Variants in JAKMIP1 observed in about 807,000 individuals in gnomAD.
JAKMIP1 encodes the protein janus kinase and microtubule interacting protein 1.
JAKMIP1 carries 33 observed loss-of-function variants against 113.0 expected under a neutral mutation model. The observed-to-expected ratio is 0.29, with a 90% CI of 0.22 to 0.39. The LOEUF (loss-of-function observed/expected upper bound fraction) is 0.39. Among genes scored for constraint, JAKMIP1 ranks in the 10% least tolerant of loss-of-function variants. The probability of loss-of-function intolerance (pLI) is 1.00; values close to 1 mark genes in which losing one functional copy is unlikely to be tolerated. For missense variants in JAKMIP1, 813 were observed against 1,080.5 expected (o/e 0.75, Z 3.47); for synonymous variants, 480 against 459.9 (o/e 1.04, Z -0.56).
At chr4:6,105,353 G>C in intron 3 of JAKMIP1, 120 bp downstream of exon 3, 1 of 1,061,984 alleles carries the variant, frequency 9.4e-7, no homozygotes, top group South Asian at 1.7e-5. Flanking sequence ...GAGGTTGCTG[G>C]GGCCCCAGTG....
rs1276109684 is a variant in JAKMIP1, at chr4:6,194,606, C to T, written c.-148+5647G>A. ...GAGGGACCCGGGTCAGTCCAGGCTCCTGACTCAAAATGCAGCCAAGGGAGA... is the reference window on the plus strand; with the variant it reads ...GAGGGACCCGGGTCAGTCCAGGCTCTTGACTCAAAATGCAGCCAAGGGAGA... On this transcript the variant is annotated intron_variant, in intron 1 of 20. Coordinates refer to ENST00000409021, the MANE Select transcript of JAKMIP1 (RefSeq NM_001099433.2). The surrounding 1 kb of genome is among the most constrained non-coding windows in gnomAD (Gnocchi z 7.4). 1 of 152,344 alleles carries T rather than the reference C, an allele frequency of 6.6e-6. No individual in the cohort carries two copies. Among genetic ancestry groups the T allele is most frequent in the Non-Finnish European group, 1.5e-5 (1 of 68,176 alleles). The allele number at this position is 152,344 out of a possible 1,614,324, so 9.4% of individuals were successfully genotyped here.
rs115010890 is a variant in JAKMIP1, at chr4:6,047,124, G to A, written c.2028+1733C>T. Among the ~76,000 whole-genome samples, 287 of 152,336 alleles carry A rather than the reference G, an allele frequency of 1.9e-3. 1 individual carries two copies. Among genetic ancestry groups the A allele is most frequent in the African/African-American group, 6.5e-3 (271 of 41,570 alleles). On this transcript the variant is annotated intron_variant, in intron 16 of 20. Coordinates refer to ENST00000409021, the MANE Select transcript of JAKMIP1 (RefSeq NM_001099433.2). Reference sequence around the variant, plus strand: ...AGCCACCAGGATGCTCAGTGTCATGGCTGAGAGAGATGTGGTGAGAAACCG... The same window carrying A: ...AGCCACCAGGATGCTCAGTGTCATGACTGAGAGAGATGTGGTGAGAAACCG...
rs902075663 is a variant in JAKMIP1 at position 6,076,053 on chromosome 4, G to A, written c.1302+2886C>T. Among the ~76,000 whole-genome samples the A allele has an allele frequency of 2.0e-5, 3 of 152,212 alleles. No individual in the cohort carries two copies. Among genetic ancestry groups the A allele is most frequent in the Non-Finnish European group, 2.9e-5 (2 of 68,052 alleles). On this transcript the variant is annotated intron_variant, in intron 8 of 20. Transcript: ENST00000409021. The surrounding 1 kb of genome is among the most constrained non-coding windows in gnomAD (Gnocchi z 4.8). The stretch of plus-strand genomic sequence containing the variant: ...TAGCCAGGCGTGGTGGCACATGCCT[G>A]TAATCTCGGCTACTTGGGAGGCTGA...
chr4:6,059,273 C>T lies in JAKMIP1; in HGVS notation c.1644+1151G>A, dbSNP rs1716921915. ...CTGTGCCAGGCATGCATGCTGGTCG[C>T]TGGCCGTCCGCCTCCATGGGAACCT... On this transcript the variant is annotated intron_variant, in intron 11 of 20. Transcript: ENST00000409021. This position sits in a 1 kb window ranked among gnomAD's most constrained non-coding sequence, Gnocchi z 4.8. Among the ~76,000 whole-genome samples the T allele has an allele frequency of 6.6e-6, 1 of 152,202 alleles. No individual in the cohort carries two copies. Among genetic ancestry groups the T allele is most frequent in the Admixed American group, 6.5e-5 (1 of 15,290 alleles).
intron 20 of JAKMIP1, 86 bp from the exon 21 acceptor site, chr4:6,026,364 G>A: frequency 1.4e-6 from 1 of 720,500 alleles, no homozygotes; most frequent in Non-Finnish European, 2.4e-6. Context: ...GGAACTCAAT[G>A]ACAGCATTTT....
rs945314247 is a variant in JAKMIP1, at chr4:6,168,932, G to C, written c.-148+31321C>G. 6.6e-6 allele frequency among the ~76,000 whole-genome samples: 1 copy of C among 151,956 alleles called. No individual in the cohort carries two copies. The highest frequency in any genetic ancestry group is 1.5e-5 in the Non-Finnish European group (1 of 67,978). ...TAAAAACAAAAAAAAAAATCATAGG[G>C]ACAAGAAGTAGATGTAGTGGTTGTC... On this transcript the variant is annotated intron_variant, in intron 1 of 20. Coordinates refer to ENST00000409021, the MANE Select transcript of JAKMIP1 (RefSeq NM_001099433.2). This position sits in a 1 kb window ranked among gnomAD's most constrained non-coding sequence, Gnocchi z 4.6.
At chr4:6,161,088 C>T (rs1293511583) in intron 1 of JAKMIP1, among the ~76,000 whole-genome samples, 9 of 145,762 alleles carry the variant, frequency 6.2e-5, no homozygotes, top group African/African-American at 2.1e-4. Context: ...TCACCTCCTC[C>T]GAGCTCCACT....
At chr4:6,170,977 ACAC>A (rs967047175) in intron 1 of JAKMIP1, among the ~76,000 whole-genome samples, 14 of 134,694 alleles carry the variant, frequency 1.0e-4, no homozygotes, top group East Asian at 2.2e-4. Context: ...ACCATCACTG[ACAC>A]CACCACCATT....
At chr4:6,130,163 A>G (rs1264358814) in intron 1 of JAKMIP1, among the ~76,000 whole-genome samples, 3 of 152,200 alleles carry the variant, frequency 2.0e-5, no homozygotes, top group South Asian at 2.1e-4. Flanking sequence ...GTCCTGCCCA[A>G]TGAAGTGGGG....
chr4:6,063,413 G>A (rs575478739), intron 9 of JAKMIP1, among the ~76,000 whole-genome samples: 1 of 152,226 alleles, frequency 6.6e-6, no homozygotes, highest in Non-Finnish European at 1.5e-5. Flanking sequence ...CCATGGCTGA[G>A]AACAAGACCC....
Position 6,106,108 on chromosome 4 carries a change from T to C in JAKMIP1, c.130-141A>G. On this transcript the variant is annotated intron_variant, in intron 2 of 20. Coordinates refer to ENST00000409021, the MANE Select transcript of JAKMIP1 (RefSeq NM_001099433.2). This position sits in a 1 kb window ranked among gnomAD's most constrained non-coding sequence, Gnocchi z 5.9. ...GGCCCACGTTCCCATGGATTCCCCC[T>C]TCGGCAGTGCCCTGCAGGCCTGACC... The C allele has an allele frequency of 1.6e-6, 1 of 616,214 alleles. No individual in the cohort carries two copies. Among genetic ancestry groups the C allele is most frequent in the Non-Finnish European group, 2.8e-6 (1 of 353,134 alleles). 38.2% of individuals were successfully genotyped at this position (616,214 alleles called of 1,614,324 possible). A position where few individuals can be genotyped will look rare whatever the true frequency, so the allele number is the denominator to read the frequency against.
intron 1 of JAKMIP1, among the ~76,000 whole-genome samples, chr4:6,145,420 T>C (rs1720719293): frequency 6.6e-6 from 1 of 152,174 alleles, no homozygotes; most frequent in South Asian, 2.1e-4. Context: ...GCCTTGTCCC[T>C]GCACTGAGCT....
chr4:6,060,576 T>C (rs1578121616), intron 10 of JAKMIP1, 69 bp from the exon 11 acceptor site: 1 of 1,168,578 alleles, frequency 8.6e-7, no homozygotes, highest in Non-Finnish European at 1.3e-6. Flanking sequence ...GAAAGCGTCA[T>C]GCCCCAATGC....
rs1711994504 is a variant in JAKMIP1, at chr4:6,097,424, G to T, written c.624+8049C>A. Reference sequence around the variant, plus strand: ...GAGCTTGCTTGCATGGGGAGTCTGGGTGTGTATGGAAGCTCTATCACAGCT... The same window carrying T: ...GAGCTTGCTTGCATGGGGAGTCTGGTTGTGTATGGAAGCTCTATCACAGCT... On this transcript the variant is annotated intron_variant, in intron 3 of 20. Transcript: ENST00000409021. This position sits in a 1 kb window ranked among gnomAD's most constrained non-coding sequence, Gnocchi z 4.3. Among the ~76,000 whole-genome samples, 1 of 152,222 alleles carries T rather than the reference G, an allele frequency of 6.6e-6. No homozygotes were observed. The highest frequency in any genetic ancestry group is 1.5e-5 in the Non-Finnish European group (1 of 68,046).
intron 1 of JAKMIP1, among the ~76,000 whole-genome samples, chr4:6,166,268 T>C (rs1386902523): frequency 6.6e-6 from 1 of 152,250 alleles, no homozygotes; most frequent in Non-Finnish European, 1.5e-5. Flanking sequence ...CAGTATCATG[T>C]CCAGCTTCCT....
intron 1 of JAKMIP1, among the ~76,000 whole-genome samples, chr4:6,171,059 GACC>G (rs377702237): frequency 0.015 from 1,682 of 110,956 alleles, 23 homozygotes; most frequent in African/African-American, 0.052. Context: ...TCACCATGCT[GACC>G]ACCATCACCA....
chr4:6,178,363 G>T lies in JAKMIP1; in HGVS notation c.-148+21890C>A, dbSNP rs867825619. Among the ~76,000 whole-genome samples, 1 of 152,158 alleles carries T rather than the reference G, an allele frequency of 6.6e-6. No individual in the cohort carries two copies. Among genetic ancestry groups the T allele is most frequent in the Non-Finnish European group, 1.5e-5 (1 of 68,036 alleles). On this transcript the variant is annotated intron_variant, in intron 1 of 20. Coordinates refer to ENST00000409021, the MANE Select transcript of JAKMIP1 (RefSeq NM_001099433.2). The surrounding 1 kb of genome is among the most constrained non-coding windows in gnomAD (Gnocchi z 5.5). ...CCATGTGTGGTGGGAGGGACCTCTC[G>T]GGAGGTAATTGAATCATGGGGGCAG...
intron 8 of JAKMIP1, among the ~76,000 whole-genome samples, chr4:6,077,314 G>A (rs1425753091): frequency 6.6e-6 from 1 of 152,016 alleles, no homozygotes; most frequent in Non-Finnish European, 1.5e-5. Flanking sequence ...AGAGATTGGA[G>A]TTCAAGCTGC....
intron 1 of JAKMIP1, among the ~76,000 whole-genome samples, chr4:6,113,925 C>A (rs1037979629): frequency 6.7e-6 from 1 of 149,528 alleles, no homozygotes; most frequent in Non-Finnish European, 1.5e-5. Flanking sequence ...CCGCCAGGTG[C>A]GTGAATGAAT....
Sources: gnomAD v4.1 joint callset for allele counts (sites outside exome capture counted in the v4.1 genomes callset) on GRCh38, gnomAD v4.1.1 for gene constraint, Gnocchi (gnomAD v3.1) non-coding constraint, MANE v1.5 for transcripts, NCBI Gene and HGNC (gene_info 2026-07-23, HGNC 2026-07-21) for gene names.